The following EML6 variants were observed in gnomAD, a reference collection of about 807,000 sequenced individuals.
EML6 encodes EMAP like 6.
EML6 carries 154 observed loss-of-function variants against 240.1 expected under a neutral mutation model. The observed-to-expected ratio is 0.64, with a 90% CI of 0.56 to 0.73. EML6 has a LOEUF of 0.73. Ranked by LOEUF, EML6 falls within the 30% of genes least tolerant of loss-of-function variation. The pLI is 0.00. For synonymous variants in EML6, 1,148 were observed against 899.0 expected (o/e 1.28, Z -4.95); for missense variants, 2,964 against 2,474.6 (o/e 1.20, Z -4.20).
At chr2:54,764,851 A>G (rs1044314472) in intron 2 of EML6, among the ~76,000 whole-genome samples, 1 of 152,162 alleles carries the variant, frequency 6.6e-6, no homozygotes, top group African/African-American at 2.4e-5. Flanking sequence ...AACCTCTTCT[A>G]TTTACAAAAC....
intron 26 of EML6, among the ~76,000 whole-genome samples, chr2:54,921,398 T>A (rs1016559793): frequency 6.6e-6 from 1 of 152,120 alleles, no homozygotes; most frequent in Non-Finnish European, 1.5e-5. Flanking sequence ...TACTGAAATC[T>A]GTAAGACACT....
intron 26 of EML6, among the ~76,000 whole-genome samples, chr2:54,923,213 T>C (rs1472439053): frequency 3.9e-5 from 6 of 152,088 alleles, no homozygotes; most frequent in Non-Finnish European, 8.8e-5. Context: ...AGTGCTGGGA[T>C]TACAGGTGTG....
At chr2:54,828,697 T>G (rs561270452) in intron 6 of EML6, among the ~76,000 whole-genome samples, 14 of 152,370 alleles carry the variant, frequency 9.2e-5, no homozygotes, top group Non-Finnish European at 1.8e-4. Flanking sequence ...TAACCTAATT[T>G]CTTTTTATAC....
At chr2:54,948,330 C>T (rs1675794500) in intron 28 of EML6, among the ~76,000 whole-genome samples, 1 of 152,082 alleles carries the variant, frequency 6.6e-6, no homozygotes, top group Non-Finnish European at 1.5e-5. Context: ...TGTCTCCTGT[C>T]CCTCTGCTTC....
At chr2:54,894,123 T>C (rs761838633) in intron 19 of EML6, among the ~76,000 whole-genome samples, 14 of 152,026 alleles carry the variant, frequency 9.2e-5, no homozygotes, top group Non-Finnish European at 2.1e-4. Context: ...CTTGGAAATA[T>C]TATTTCTTTG....
At chr2:54,958,100 AG>A (rs1375544962) in intron 33 of EML6, 102 bp downstream of exon 33, 2 of 1,019,184 alleles carry the variant, frequency 2.0e-6, no homozygotes, top group Non-Finnish European at 2.8e-6. Flanking sequence ...TGAAAACAGC[AG>A]GAAAGCCATT....
At chr2:54,963,829 T>C (rs1262123803) in intron 36 of EML6, among the ~76,000 whole-genome samples, 157 bp from the exon 37 acceptor site, 1 of 152,204 alleles carries the variant, frequency 6.6e-6, no homozygotes, top group Non-Finnish European at 1.5e-5. Flanking sequence ...ACAGCTCTGC[T>C]CAGTTATTCA....
chr2:54,851,777 A>G (rs1322093461), intron 10 of EML6, among the ~76,000 whole-genome samples: 1 of 152,212 alleles, frequency 6.6e-6, no homozygotes, highest in Non-Finnish European at 1.5e-5. Context: ...GTGATAATGC[A>G]AAATAGTCAT....
chr2:54,962,703 G>T lies in EML6; in HGVS notation c.5149G>T (p.Ala1717Ser). The change falls in exon 36 of 42, where the codon GCT becomes TCT. Residue 1717 changes from alanine (A) to serine (S), a missense_variant. By Grantham distance (99) the Ala-to-Ser change is moderately conservative (BLOSUM62 1). Coordinates refer to ENST00000356458, the MANE Select transcript of EML6 (RefSeq NM_001039753.4). ...TGGCACAGCCCGGATCTGGGACCTG[G>T]CTGACAAGGTGAGGCCGACTCTGCC... Reference protein sequence around the residue: ...NDGTARIWDLADKKLLNKVSL... With the variant: ...NDGTARIWDLSDKKLLNKVSL... The T allele has an allele frequency of 6.7e-7, 1 of 1,485,374 alleles. No individual in the cohort carries two copies. The highest frequency in any genetic ancestry group is 9.0e-7 in the Non-Finnish European group (1 of 1,114,106). 92.0% of individuals were successfully genotyped at this position (1,485,374 alleles called of 1,614,324 possible).
intron 7 of EML6, among the ~76,000 whole-genome samples, chr2:54,831,234 A>G (rs1178059773): frequency 6.6e-6 from 1 of 152,180 alleles, no homozygotes; most frequent in Non-Finnish European, 1.5e-5. Flanking sequence ...GGGAGTACCA[A>G]CCAGGATTCA....
chr2:54,892,339 T>G (rs1242402809), intron 18 of EML6, 115 bp from the exon 19 acceptor site: 2 of 659,564 alleles, frequency 3.0e-6, no homozygotes, highest in African/African-American at 3.7e-5. Flanking sequence ...CTTTTAGACA[T>G]CTTTACATAA....
At chr2:54,795,438 G>A (rs1669708821) in intron 2 of EML6, among the ~76,000 whole-genome samples, 1 of 152,174 alleles carries the variant, frequency 6.6e-6, no homozygotes, top group Non-Finnish European at 1.5e-5. Context: ...TCTGGCGTAT[G>A]GGGATTACAA....
intron 28 of EML6, among the ~76,000 whole-genome samples, chr2:54,943,261 A>C (rs1675521102): frequency 6.6e-6 from 1 of 152,066 alleles, no homozygotes; most frequent in Non-Finnish European, 1.5e-5. Flanking sequence ...CTCTCTTCTC[A>C]GAGGAAGTAA....
intron 2 of EML6, among the ~76,000 whole-genome samples, chr2:54,792,952 T>C (rs1376343947): frequency 6.6e-6 from 1 of 152,192 alleles, no homozygotes; most frequent in Non-Finnish European, 1.5e-5. Flanking sequence ...ATCTGAGCTT[T>C]TTCTTAAAGT....
chr2:54,948,888 C>T lies in EML6; in HGVS notation c.4011C>T (p.Pro1337=), dbSNP rs1407950850. ...TGGCCGCTCTCTCTTCCAGACCACCCGTTAGCCGAGCAGCTCCCCAGCCTG... is the reference window on the plus strand; with the variant it reads ...TGGCCGCTCTCTCTTCCAGACCACCTGTTAGCCGAGCAGCTCCCCAGCCTG... The part of the protein sequence containing the change: ...LKEVSVEERP[P]VSRAAPQPEK... Residue 1337 remains proline, a synonymous_variant, in exon 29 of 42, where the codon CCC becomes CCT. Coordinates refer to ENST00000356458, the MANE Select transcript of EML6 (RefSeq NM_001039753.4). The T allele has an allele frequency of 3.4e-5, 52 of 1,551,162 alleles. No homozygotes were observed. Among genetic ancestry groups the T allele is most frequent in the East Asian group, 4.9e-5 (2 of 40,934 alleles).
chr2:54,950,151 G>GAA (rs11442131), intron 29 of EML6, among the ~76,000 whole-genome samples: 13 of 152,090 alleles, frequency 8.5e-5, no homozygotes, highest in African/African-American at 3.1e-4. Flanking sequence ...GTTTTTGGGG[G>GAA]AAAAAAATGG....
At chr2:54,928,552 T>A (rs1674683945) in intron 27 of EML6, 38 bp downstream of exon 27, 6 of 1,549,246 alleles carry the variant, frequency 3.9e-6, no homozygotes, top group Non-Finnish European at 4.4e-6. Context: ...CTGCGCCGAA[T>A]GCACCTCCCA....
chr2:54,880,828 T>A (rs904257275), intron 17 of EML6: 3 of 152,204 alleles, frequency 2.0e-5, no homozygotes, highest in Admixed American at 6.5e-5. Context: ...ACAGATAATT[T>A]CAGGGAAAGC....
intron 28 of EML6, among the ~76,000 whole-genome samples, chr2:54,944,101 C>T (rs74938471): frequency 0.025 from 3,878 of 152,186 alleles, 85 homozygotes; most frequent in South Asian, 0.033. Flanking sequence ...CATCTTTTCA[C>T]CCTCTACCAT....
Sources: gnomAD v4.1 joint callset for allele counts (sites outside exome capture counted in the v4.1 genomes callset) on GRCh38, gnomAD v4.1.1 for gene constraint, MANE v1.5 for transcripts, NCBI Gene and HGNC (gene_info 2026-07-23, HGNC 2026-07-21) for gene names.